FOXL2NB: variants seen among roughly 807,000 people sequenced by gnomAD.
FOXL2NB encodes the protein FOXL2 neighbor protein.
In FOXL2NB, 10 loss-of-function variants were observed where a neutral mutation model predicts 7.4. That is an observed-to-expected ratio of 1.34 (90% CI 0.83 to 2.28). FOXL2NB has a LOEUF of 2.28. Among genes scored for constraint, FOXL2NB ranks in the 30% most tolerant of loss-of-function variants. The probability of loss-of-function intolerance (pLI) is 0.00; values close to 1 mark genes in which losing one functional copy is unlikely to be tolerated. For missense variants in FOXL2NB, 228 were observed against 233.9 expected, an observed-to-expected ratio of 0.97 and a Z score of 0.17; for synonymous variants, 104 against 105.3, an observed-to-expected ratio of 0.99 and a Z score of 0.08.
At chr3:138,948,927 T>TA (rs2107746914) in intron 1 of FOXL2NB, among the ~76,000 whole-genome samples, 1 of 152,300 alleles carries the variant, frequency 6.6e-6, no homozygotes, top group Non-Finnish European at 1.5e-5. Flanking sequence ...TGGTTTTTTT[T>TA]ATGGGCGGTC....
In FOXL2NB at chr3:138,950,756, T is replaced by C; in HGVS notation, c.*184T>C. 1.6e-6 allele frequency: 1 copy of C among 628,362 alleles called. No individual in the cohort carries two copies. Among genetic ancestry groups the C allele is most frequent in the East Asian group, 2.9e-5 (1 of 34,834 alleles). The allele number at this position is 628,362 out of a possible 1,614,324, so 38.9% of individuals were successfully genotyped here. A position where few individuals can be genotyped will look rare whatever the true frequency, so the allele number is the denominator to read the frequency against. On this transcript the variant is annotated 3_prime_UTR_variant, in exon 3 of 3. Transcript: ENST00000383165. ...AAATCCCCTCTAGTTCTCCCTCCCC[T>C]CCTACTTCTCTCACACTCACCAGCT...
In FOXL2NB at chr3:138,947,509, G is replaced by C. The variant is rs1433025497; in HGVS notation, c.100+45G>C. 1 of 1,518,544 alleles carries C rather than the reference G, an allele frequency of 6.6e-7. No individual in the cohort carries two copies. The highest frequency in any genetic ancestry group is 8.9e-7 in the Non-Finnish European group (1 of 1,125,666). 94.1% of individuals were successfully genotyped at this position (1,518,544 alleles called of 1,614,324 possible). ...TTGCTCTGCCGTTTGCTGCCGTCTT[G>C]AGGCTGAACTTCTAGCTCGGGGCTG... is the stretch of plus-strand genomic sequence containing the variant. On this transcript the variant is annotated intron_variant, in intron 1 of 2. Coordinates refer to ENST00000383165, the MANE Select transcript of FOXL2NB (RefSeq NM_001040061.3). The surrounding 1 kb of genome is among the most constrained non-coding windows in gnomAD (Gnocchi z 5.2).
chr3:138,953,478 C>G lies in FOXL2NB; in HGVS notation c.*2906C>G, dbSNP rs1011622042. 3 of 152,216 alleles carry G rather than the reference C, an allele frequency of 2.0e-5. No homozygotes were observed. The highest frequency in any genetic ancestry group is 6.5e-5 in the Admixed American group (1 of 15,288). The allele number at this position is 152,216 out of a possible 1,614,324, so 9.4% of individuals were successfully genotyped here. A position where few individuals can be genotyped will look rare whatever the true frequency, so the allele number is the denominator to read the frequency against. ...GCCATTATTTTGTTCCTTTTTATGGCTGAGTAGTATTCCATGGTGTATATA... is the reference window on the plus strand; with the variant it reads ...GCCATTATTTTGTTCCTTTTTATGGGTGAGTAGTATTCCATGGTGTATATA... On this transcript the variant is annotated 3_prime_UTR_variant, in exon 3 of 3. Coordinates refer to ENST00000383165, the MANE Select transcript of FOXL2NB (RefSeq NM_001040061.3).
At chr3:138,950,063 C>A in intron 2 of FOXL2NB, 1 of 717,206 alleles carries the variant, frequency 1.4e-6, no homozygotes, top group Non-Finnish European at 2.5e-6. Flanking sequence ...TCCAGGGTCC[C>A]GCAGCTGCAA....
In FOXL2NB at chr3:138,949,469, A is replaced by G. The variant is rs753452514; in HGVS notation, c.101-51A>G. On this transcript the variant is annotated intron_variant, in intron 1 of 2. Transcript: ENST00000383165. This position sits in a 1 kb window ranked among gnomAD's most constrained non-coding sequence, Gnocchi z 4.5. Reference sequence around the variant, plus strand: ...CCTCTGAAGGATTTTCAGAATAGAAAGGAGTTCTGCTCTGAAAATACTGAT... The same window carrying G: ...CCTCTGAAGGATTTTCAGAATAGAAGGGAGTTCTGCTCTGAAAATACTGAT... The G allele has an allele frequency of 8.7e-6, 14 of 1,610,004 alleles. No individual in the cohort carries two copies. Among genetic ancestry groups the G allele is most frequent in the Non-Finnish European group, 1.2e-5 (14 of 1,177,732 alleles).
chr3:138,949,391 C>CGT lies in FOXL2NB; in HGVS notation c.101-104_101-103dup, dbSNP rs5852928. 154,433 of 808,974 alleles carry CGT rather than the reference C, an allele frequency of 0.19. 4,251 individuals carry two copies. Among genetic ancestry groups the CGT allele is most frequent in the East Asian group, 0.3 (10,572 of 34,854 alleles). The allele number at this position is 808,974 out of a possible 1,614,324, so 50.1% of individuals were successfully genotyped here. A position where few individuals can be genotyped will look rare whatever the true frequency, so the allele number is the denominator to read the frequency against. ...AAGAGCCTGTGTGTGTATGCATGTGCGTGTGTGTGTGTGTGTGTGTGTGTG... is the reference window on the plus strand; with the variant it reads ...AAGAGCCTGTGTGTGTATGCATGTGCGTGTGTGTGTGTGTGTGTGTGTGTGTG... On this transcript the variant is annotated intron_variant, in intron 1 of 2. Coordinates refer to ENST00000383165, the MANE Select transcript of FOXL2NB (RefSeq NM_001040061.3). The surrounding 1 kb of genome is among the most constrained non-coding windows in gnomAD (Gnocchi z 4.5).
chr3:138,947,836 A>G lies in FOXL2NB; in HGVS notation c.100+372A>G. 9.8e-7 allele frequency: 1 copy of G among 1,020,526 alleles called. No homozygotes were observed. The highest frequency in any genetic ancestry group is 1.2e-6 in the Non-Finnish European group (1 of 852,920). The allele number at this position is 1,020,526 out of a possible 1,614,324, so 63.2% of individuals were successfully genotyped here. On this transcript the variant is annotated intron_variant, in intron 1 of 2. Transcript: ENST00000383165. The surrounding 1 kb of genome is among the most constrained non-coding windows in gnomAD (Gnocchi z 5.2). ...GTGAAGGTTGGATGTGTGCTTTAAC[A>G]GCACCAAGTAGATGCCCCTCAGCTA...
chr3:138,953,335 T>C lies in FOXL2NB; in HGVS notation c.*2763T>C, dbSNP rs1936170802. ...GGTCCATTATGTCATTCTTATGCCT[T>C]TGCATCTTCATAGCTTAGCTCCCAC... On this transcript the variant is annotated 3_prime_UTR_variant, in exon 3 of 3. Transcript: ENST00000383165. The C allele has an allele frequency of 6.6e-6, 1 of 152,252 alleles. No individual in the cohort carries two copies. Among genetic ancestry groups the C allele is most frequent in the Admixed American group, 6.5e-5 (1 of 15,288 alleles). 9.4% of individuals were successfully genotyped at this position (152,252 alleles called of 1,614,324 possible). A position where few individuals can be genotyped will look rare whatever the true frequency, so the allele number is the denominator to read the frequency against.
intron 1 of FOXL2NB, among the ~76,000 whole-genome samples, chr3:138,948,573 G>A (rs1465193485): frequency 3.9e-5 from 6 of 152,252 alleles, no homozygotes; most frequent in Admixed American, 2.6e-4. Context: ...AAGGTGGACT[G>A]AATGGATGTC....
intron 2 of FOXL2NB, 110 bp from the exon 3 acceptor site, chr3:138,950,155 G>A: frequency 8.5e-7 from 1 of 1,179,260 alleles, no homozygotes; most frequent in Non-Finnish European, 1.2e-6. Flanking sequence ...CGCCGATTGA[G>A]CGCAGTCTCA....
chr3:138,950,720 C>A lies in FOXL2NB; in HGVS notation c.*148C>A. 1 of 780,204 alleles carries A rather than the reference C, an allele frequency of 1.3e-6. No homozygotes were observed. Among genetic ancestry groups the A allele is most frequent in the Non-Finnish European group, 2.1e-6 (1 of 479,744 alleles). 48.3% of individuals were successfully genotyped at this position (780,204 alleles called of 1,614,324 possible). On this transcript the variant is annotated 3_prime_UTR_variant, in exon 3 of 3. Transcript: ENST00000383165. ...CATCCACTTCTCTCTCCTTCTCCCT[C>A]TGTCAACTCCAAATCCCCTCTAGTT...
Position 138,949,689 on chromosome 3 carries a change from C to T in FOXL2NB, c.220+50C>T, listed in dbSNP as rs759903567. The T allele has an allele frequency of 1.2e-6, 2 of 1,612,790 alleles. No individual in the cohort carries two copies. Among genetic ancestry groups the T allele is most frequent in the Admixed American group, 1.7e-5 (1 of 60,010 alleles). ...TGGCAGAATGATTACTTTCAGGTCC[C>T]CTCCAGGCTTCTGCGGAAAAGCCAG... is the stretch of plus-strand genomic sequence containing the variant. On this transcript the variant is annotated intron_variant, in intron 2 of 2. Transcript: ENST00000383165. This position sits in a 1 kb window ranked among gnomAD's most constrained non-coding sequence, Gnocchi z 4.5.
At position 138,951,621 on chromosome 3, in the gene FOXL2NB, G is replaced by A. The variant is rs1936133735; in HGVS notation, c.*1049G>A. ...CAAAGACCCGTGGGATGCTCTCAGA[G>A]GCGGATTCTAGGGTGGTGGGAGCTG... On this transcript the variant is annotated 3_prime_UTR_variant, in exon 3 of 3. Transcript: ENST00000383165. The A allele has an allele frequency of 6.6e-6, 1 of 152,346 alleles. No homozygotes were observed. The highest frequency in any genetic ancestry group is 2.1e-4 in the South Asian group (1 of 4,830). The allele number at this position is 152,346 out of a possible 1,614,324, so 9.4% of individuals were successfully genotyped here.
Position 138,950,483 on chromosome 3 carries a change from G to T in FOXL2NB, c.439G>T (p.Glu147Ter). ...CCGGCGGCTTCCCGCTCCTGAGCGGGAGAGAATAGAGCTTGCTGCAACCCT... is the reference window on the plus strand; with the variant it reads ...CCGGCGGCTTCCCGCTCCTGAGCGGTAGAGAATAGAGCTTGCTGCAACCCT... ...NTRRLPAPER[E>*]RIELAATLCL... The change falls in exon 3 of 3, where the codon GAG (glutamate) becomes TAG (stop). Residue 147 changes from glutamate (E) to a stop codon, truncating the protein, a stop_gained. Transcript: ENST00000383165. LOFTEE classifies it low-confidence loss of function (END_TRUNC). The T allele has an allele frequency of 6.2e-7, 1 of 1,614,216 alleles. No individual in the cohort carries two copies. The highest frequency in any genetic ancestry group is 8.5e-7 in the Non-Finnish European group (1 of 1,180,040).
chr3:138,950,158 C>T (rs962480156), intron 2 of FOXL2NB, 107 bp from the exon 3 acceptor site: 6 of 1,197,092 alleles, frequency 5.0e-6, no homozygotes, highest in Non-Finnish European at 7.3e-6. Flanking sequence ...CGATTGAGCG[C>T]AGTCTCAGCT....
In FOXL2NB at chr3:138,947,429, G is replaced by T. The variant is rs1194040712; in HGVS notation, c.65G>T (p.Arg22Leu). 1.3e-6 allele frequency: 2 copies of T among 1,547,520 alleles called. No individual in the cohort carries two copies. The highest frequency in any genetic ancestry group is 1.4e-5 in the African/African-American group (1 of 73,092). The change falls in exon 1 of 3, where the codon CGA becomes CTA. Residue 22 changes from arginine (R) to leucine (L), a missense_variant. Coordinates refer to ENST00000383165, the MANE Select transcript of FOXL2NB (RefSeq NM_001040061.3). This position sits in a 1 kb window ranked among gnomAD's most constrained non-coding sequence, Gnocchi z 5.2. ...AAGCCCAGGAAGCTCGGGCCCCAGC[G>T]AGGAAAGGCGCTCCAAGCCTCCTCG... Reference protein sequence around the residue: ...RPKPRKLGPQRGKALQASSRL... With the variant: ...RPKPRKLGPQLGKALQASSRL...
Position 138,952,048 on chromosome 3 carries a change from T to C in FOXL2NB, c.*1476T>C, listed in dbSNP as rs527390801. 2.6e-5 allele frequency: 4 copies of C among 152,336 alleles called. No individual in the cohort carries two copies. Among genetic ancestry groups the C allele is most frequent in the African/African-American group, 9.6e-5 (4 of 41,556 alleles). 9.4% of individuals were successfully genotyped at this position (152,336 alleles called of 1,614,324 possible). Reference sequence around the variant, plus strand: ...CTGAGAGTTCTTTGCCATTTGGGGTTATTATAGCTGCATGGCCATGGTGCT... The same window carrying C: ...CTGAGAGTTCTTTGCCATTTGGGGTCATTATAGCTGCATGGCCATGGTGCT... On this transcript the variant is annotated 3_prime_UTR_variant, in exon 3 of 3. Coordinates refer to ENST00000383165, the MANE Select transcript of FOXL2NB (RefSeq NM_001040061.3).
At position 138,953,011 on chromosome 3, in the gene FOXL2NB, T is replaced by C; in HGVS notation, c.*2439T>C. 1 of 120,218 alleles carries C rather than the reference T, an allele frequency of 8.3e-6. No individual in the cohort carries two copies. The highest frequency in any genetic ancestry group is 3.1e-5 in the African/African-American group (1 of 32,336). The allele number at this position is 120,218 out of a possible 1,614,324, so 7.4% of individuals were successfully genotyped here. On this transcript the variant is annotated 3_prime_UTR_variant, in exon 3 of 3. Transcript: ENST00000383165. ...CTACGCTTCCCCCCCCGAGTCCCCA[T>C]TATATAATTCTTTTTTTCTTCTTTT...
chr3:138,949,589 C>T lies in FOXL2NB; in HGVS notation c.170C>T (p.Pro57Leu), dbSNP rs753084245. 2 of 1,614,154 alleles carry T rather than the reference C, an allele frequency of 1.2e-6. No individual in the cohort carries two copies. Among genetic ancestry groups the T allele is most frequent in the South Asian group, 2.2e-5 (2 of 91,082 alleles). ...CTLGRAGIGL[P>L]KMCLHMAVRH... ...CTGGGAAGGGCTGGAATCGGTCTCCCCAAGATGTGCCTTCACATGGCTGTC... is the reference window on the plus strand; with the variant it reads ...CTGGGAAGGGCTGGAATCGGTCTCCTCAAGATGTGCCTTCACATGGCTGTC... The change falls in exon 2 of 3, where the codon CCC becomes CTC. Residue 57 changes from proline (P) to leucine (L), a missense_variant. Coordinates refer to ENST00000383165, the MANE Select transcript of FOXL2NB (RefSeq NM_001040061.3). This position sits in a 1 kb window ranked among gnomAD's most constrained non-coding sequence, Gnocchi z 4.5.
Sources: allele counts gnomAD v4.1 joint callset (sites outside exome capture counted in the v4.1 genomes callset), GRCh38; gene constraint gnomAD v4.1.1; non-coding constraint Gnocchi (gnomAD v3.1); transcripts MANE v1.5; gene names NCBI Gene and HGNC (gene_info 2026-07-23, HGNC 2026-07-21).